C19orf47: variants seen among roughly 807,000 people sequenced by gnomAD.
The protein encoded by C19orf47 is chromosome 19 open reading frame 47.
In C19orf47, 18 loss-of-function variants were observed where a neutral mutation model predicts 32.3. The observed-to-expected ratio is 0.56, with a 90% confidence interval of 0.39 to 0.83. The LOEUF is 0.83. Ranked by LOEUF, C19orf47 falls within the 40% of genes least tolerant of loss-of-function variation. C19orf47 has a pLI of 0.00. For synonymous variants in C19orf47, 202 were observed against 211.1 expected (o/e 0.96, Z 0.37); for missense variants, 484 against 531.6 (o/e 0.91, Z 0.88).
intron 1 of C19orf47, among the ~76,000 whole-genome samples, chr19:40,346,309 G>A (rs937067501): frequency 1.3e-5 from 2 of 149,820 alleles, no homozygotes; most frequent in Non-Finnish European, 3.0e-5. Flanking sequence ...CAGGCGTGGT[G>A]GTGGGCACCT....
At chr19:40,298,344 T>C in the C19orf47 span, among the ~76,000 whole-genome samples, 1 of 145,754 alleles carries the variant, frequency 6.9e-6, no homozygotes, top group Non-Finnish European at 1.5e-5. Flanking sequence ...GGTTTATAAA[T>C]AGCTCTTTAA....
intron 2 of C19orf47, among the ~76,000 whole-genome samples, chr19:40,337,462 T>C (rs1259171944): frequency 1.3e-5 from 2 of 151,754 alleles, no homozygotes; most frequent in Non-Finnish European, 2.9e-5. Context: ...CCAGGCCAGG[T>C]GATAGCTAAG....
downstream of C19orf47, among the ~76,000 whole-genome samples, chr19:40,314,685 A>AAT (rs2077650782): frequency 6.6e-6 from 1 of 152,226 alleles, no homozygotes; most frequent in Non-Finnish European, 1.5e-5. Context: ...GCCCCCAAGG[A>AAT]GATGGAGCAT....
intron 1 of C19orf47, chr19:40,343,655 G>A (rs1321530088): frequency 6.6e-6 from 1 of 152,216 alleles, no homozygotes; most frequent in Non-Finnish European, 1.5e-5. Context: ...TGCCTGGAAT[G>A]CCTGTCTCCT....
rs2078004966 is a variant in C19orf47 at position 40,333,853 on chromosome 19, C to A, written c.299G>T (p.Ser100Ile). 7 of 1,570,100 alleles carry A rather than the reference C, an allele frequency of 4.5e-6. No individual in the cohort carries two copies. The highest frequency in any genetic ancestry group is 6.1e-6 in the Non-Finnish European group (7 of 1,156,092). ...PLAGEIRRGT[S>I]AASRMITNSL... ...AGGCCTGAATAGTTAGGACTCACCA[C>A]TGGTGCCACGGCGAATTTCGCCTGC... The change falls in exon 5 of 9, where the codon AGT becomes ATT. Residue 100 changes from serine (S) to isoleucine (I), a missense_variant and splice_region_variant. Around this residue, in one of 3 missense-constraint regions of C19orf47, gnomAD observed 376 missense variants for 370.2 expected, o/e 1.02. Transcript: ENST00000683109.
chr19:40,296,811 G>C, the C19orf47 span, among the ~76,000 whole-genome samples: 1 of 152,002 alleles, frequency 6.6e-6, no homozygotes, highest in African/African-American at 2.4e-5. Context: ...CTACTTGGGA[G>C]GCTAAGGCAA....
chr19:40,323,993 C>G lies in C19orf47; in HGVS notation c.663+13G>C, dbSNP rs757537235. ...GCTCGCACGCCCAGAATCGCTCCCC[C>G]ATCCCCACTCACTTTACTCCCTGTC... On this transcript the variant is annotated intron_variant, in intron 8 of 8. Coordinates refer to ENST00000683109, the MANE Select transcript of C19orf47 (RefSeq NM_001256441.2). 2.7e-5 allele frequency: 44 copies of G among 1,614,104 alleles called. No individual in the cohort carries two copies. The highest frequency in any genetic ancestry group is 3.6e-5 in the Non-Finnish European group (43 of 1,180,032).
In C19orf47 at chr19:40,326,321, G is replaced by A; in HGVS notation, c.592+13C>T. Reference sequence around the variant, plus strand: ...GGACCCCGCAGGGAAGCATGCCCCTGATGGGCCAGTACCTTTTGCAGCCTG... The same window carrying A: ...GGACCCCGCAGGGAAGCATGCCCCTAATGGGCCAGTACCTTTTGCAGCCTG... On this transcript the variant is annotated intron_variant, in intron 7 of 8. Transcript: ENST00000683109. 6.2e-7 allele frequency: 1 copy of A among 1,614,002 alleles called. No individual in the cohort carries two copies. The highest frequency in any genetic ancestry group is 8.5e-7 in the Non-Finnish European group (1 of 1,179,948).
At position 40,321,441 on chromosome 19, in the gene C19orf47, G is replaced by C; in HGVS notation, c.*441C>G. Reference sequence around the variant, plus strand: ...CAGCAGTGGGGGGAGGCGCAGAGGAGTGAGGGAGGTCAGTGGGGAGTGGGG... The same window carrying C: ...CAGCAGTGGGGGGAGGCGCAGAGGACTGAGGGAGGTCAGTGGGGAGTGGGG... On this transcript the variant is annotated 3_prime_UTR_variant, in exon 9 of 9. Transcript: ENST00000683109. 5.0e-6 allele frequency: 5 copies of C among 1,005,970 alleles called. No homozygotes were observed. Among genetic ancestry groups the C allele is most frequent in the Non-Finnish European group, 5.9e-6 (5 of 842,318 alleles). 62.3% of individuals were successfully genotyped at this position (1,005,970 alleles called of 1,614,324 possible). A position where few individuals can be genotyped will look rare whatever the true frequency, so the allele number is the denominator to read the frequency against.
the C19orf47 span, among the ~76,000 whole-genome samples, chr19:40,304,924 T>G: frequency 6.6e-6 from 1 of 152,190 alleles, no homozygotes; most frequent in African/African-American, 2.4e-5. Flanking sequence ...ATTCCAGGTC[T>G]GAACTTGTCT....
chr19:40,313,052 G>C, the C19orf47 span, among the ~76,000 whole-genome samples: 4 of 152,196 alleles, frequency 2.6e-5, no homozygotes, highest in Non-Finnish European at 4.4e-5. Context: ...TTTGCTAGGA[G>C]AGTAACTGCT....
chr19:40,332,859 C>G (rs751872808), intron 5 of C19orf47, among the ~76,000 whole-genome samples: 1 of 152,188 alleles, frequency 6.6e-6, no homozygotes, highest in Non-Finnish European at 1.5e-5. Flanking sequence ...CATTCTCACC[C>G]TCTTATTTCA....
the C19orf47 span, among the ~76,000 whole-genome samples, chr19:40,295,478 A>G: frequency 5.3e-5 from 8 of 152,244 alleles, no homozygotes; most frequent in African/African-American, 1.9e-4. Context: ...TCTGTCGCCC[A>G]GGCTGGAGTG....
At chr19:40,306,089 T>C in the C19orf47 span, among the ~76,000 whole-genome samples, 47 of 141,884 alleles carry the variant, frequency 3.3e-4, no homozygotes, top group Middle Eastern at 3.7e-3. Context: ...TGAAGGAGGT[T>C]GCAGTGAGCC....
At position 40,322,343 on chromosome 19, in the gene C19orf47, G is replaced by T; in HGVS notation, c.697C>A (p.Pro233Thr). Residue 233 changes from proline (P) to threonine (T), a missense_variant, in exon 9 of 9, where the codon CCA (proline) becomes ACA (threonine). This residue lies in a region of C19orf47 where 376 missense variants were observed against 370.2 expected (regional missense o/e 1.02). Coordinates refer to ENST00000683109, the MANE Select transcript of C19orf47 (RefSeq NM_001256441.2). The part of the protein sequence containing the change: ...TGVFSRLGAT[P>T]ETDEDLAWDS... ...CAAGCCAGATCCTCGTCCGTTTCTGGGGTGGCCCCCAGGCGGCTGAAGACT... is the reference window on the plus strand; with the variant it reads ...CAAGCCAGATCCTCGTCCGTTTCTGTGGTGGCCCCCAGGCGGCTGAAGACT... 6.3e-7 allele frequency: 1 copy of T among 1,599,068 alleles called. No individual in the cohort carries two copies.
the C19orf47 span, among the ~76,000 whole-genome samples, chr19:40,307,269 T>C: frequency 6.6e-6 from 1 of 151,740 alleles, no homozygotes; most frequent in Non-Finnish European, 1.5e-5. Flanking sequence ...CTAACTTTTG[T>C]ATTTAAGTAG....
At chr19:40,314,962 G>T (rs1002655267), downstream of C19orf47, among the ~76,000 whole-genome samples, 2 of 152,070 alleles carry the variant, frequency 1.3e-5, no homozygotes, top group African/African-American at 4.8e-5. Flanking sequence ...CCAGCTGAGG[G>T]GCATCCCATA....
At chr19:40,328,009 A>G (rs922471993) in intron 6 of C19orf47, among the ~76,000 whole-genome samples, 5 of 152,134 alleles carry the variant, frequency 3.3e-5, no homozygotes, top group Admixed American at 2.6e-4. Flanking sequence ...GTTTTCAAGG[A>G]TGGATCCCTT....
At chr19:40,323,794 G>A (rs2077770660) in intron 8 of C19orf47, among the ~76,000 whole-genome samples, 1 of 152,126 alleles carries the variant, frequency 6.6e-6, no homozygotes, top group Non-Finnish European at 1.5e-5. Context: ...AGGCATCCAG[G>A]AGTACTGGAC....
Sources: gnomAD v4.1 joint callset for allele counts (sites outside exome capture counted in the v4.1 genomes callset) on GRCh38, gnomAD v4.1.1 for gene constraint, gnomAD v4.1.1 regional missense constraint, MANE v1.5 for transcripts, NCBI Gene and HGNC (gene_info 2026-07-23, HGNC 2026-07-21) for gene names.